Variants in MMP16 observed in about 807,000 individuals in gnomAD.
MMP16 encodes matrix metallopeptidase 16, also known as matrix metalloproteinase-16.
MMP16 carries 12 observed loss-of-function variants against 67.8 expected under a neutral mutation model. The ratio of observed to expected loss-of-function variants is 0.18; its 90% CI spans 0.11 to 0.29. The LOEUF is 0.29. MMP16 is among the 10% of genes least tolerant of loss of function. The pLI is 1.00. For missense variants in MMP16, 475 were observed against 765.7 expected (o/e 0.62, Z 4.48); for synonymous variants, 249 against 255.9 (o/e 0.97, Z 0.26).
chr8:88,292,418 G>C (rs28986498), intron 1 of MMP16, among the ~76,000 whole-genome samples: 21,400 of 152,056 alleles, frequency 0.14, 2,079 homozygotes, highest in African/African-American at 0.26. Context: ...TACTTAACCC[G>C]TGTGAACACC....
intron 6 of MMP16, among the ~76,000 whole-genome samples, chr8:88,095,812 C>T (rs570224554): frequency 3.2e-4 from 48 of 151,918 alleles, no homozygotes; most frequent in Middle Eastern, 3.4e-3. Context: ...TCACTGATTA[C>T]GTAGAATGAA....
chr8:88,106,665 T>C (rs954841897), intron 6 of MMP16, among the ~76,000 whole-genome samples: 3 of 151,262 alleles, frequency 2.0e-5, no homozygotes, highest in Non-Finnish European at 3.0e-5. Flanking sequence ...GAATAATGAA[T>C]TTAAAAAAAA....
At chr8:88,093,800 G>T (rs1412337335) in intron 6 of MMP16, among the ~76,000 whole-genome samples, 2 of 151,760 alleles carry the variant, frequency 1.3e-5, no homozygotes, top group Non-Finnish European at 2.9e-5. Flanking sequence ...GAGTGTCTGG[G>T]TTATGGTTGA....
intron 6 of MMP16, among the ~76,000 whole-genome samples, chr8:88,084,691 A>T (rs1483709822): frequency 6.6e-6 from 1 of 152,056 alleles, no homozygotes; most frequent in Non-Finnish European, 1.5e-5. Context: ...GTGAAATCTA[A>T]ATATTAGGTG....
intron 1 of MMP16, among the ~76,000 whole-genome samples, chr8:88,223,453 T>C (rs997740844): frequency 7.2e-5 from 11 of 151,906 alleles, no homozygotes; most frequent in Admixed American, 1.3e-4. Context: ...AAAATGTCCA[T>C]CAATGATAGA....
intron 1 of MMP16, among the ~76,000 whole-genome samples, chr8:88,294,349 T>C (rs898055138): frequency 2.6e-5 from 4 of 151,200 alleles, no homozygotes; most frequent in Admixed American, 1.3e-4. Flanking sequence ...TGTGTATATG[T>C]ATATGTATAT....
chr8:88,206,514 G>A lies in MMP16; in HGVS notation c.133-9208C>T, dbSNP rs947892168. Reference sequence around the variant, plus strand: ...TCAGAGTGAGGGAGGGTGTGAGTGCGCCCTGCAAGGGGATGGCATCCTGTC... The same window carrying A: ...TCAGAGTGAGGGAGGGTGTGAGTGCACCCTGCAAGGGGATGGCATCCTGTC... On this transcript the variant is annotated intron_variant, in intron 1 of 9. Coordinates refer to ENST00000286614, the MANE Select transcript of MMP16 (RefSeq NM_005941.5). Among the ~76,000 whole-genome samples the A allele has an allele frequency of 2.0e-5, 3 of 152,132 alleles. No individual in the cohort carries two copies. The East Asian group carries it at 5.8e-4, about 29-fold the overall frequency.
In MMP16 at chr8:88,167,436, T is replaced by C. The variant is rs887384066; in HGVS notation, c.709+233A>G. On this transcript the variant is annotated intron_variant, in intron 4 of 9. Coordinates refer to ENST00000286614, the MANE Select transcript of MMP16 (RefSeq NM_005941.5). Reference sequence around the variant, plus strand: ...GACAAAACTTACTTTAGAGTATTTATAGATACAGTATAAGGTTCTAATCTT... The same window carrying C: ...GACAAAACTTACTTTAGAGTATTTACAGATACAGTATAAGGTTCTAATCTT... 9.9e-5 allele frequency among the ~76,000 whole-genome samples: 15 copies of C among 152,190 alleles called. 1 individual carries two copies. Among genetic ancestry groups the C allele is most frequent in the Admixed American group, 9.2e-4 (14 of 15,264 alleles).
intron 4 of MMP16, among the ~76,000 whole-genome samples, chr8:88,165,128 A>G (rs577849756): frequency 5.2e-4 from 77 of 149,098 alleles, no homozygotes; most frequent in African/African-American, 1.8e-3. Context: ...GGATTGCTTC[A>G]GCCCAAGAGT....
At chr8:88,281,015 G>A (rs948796508) in intron 1 of MMP16, among the ~76,000 whole-genome samples, 9 of 152,106 alleles carry the variant, frequency 5.9e-5, no homozygotes, top group Non-Finnish European at 1.0e-4. Flanking sequence ...GATCAGGAGA[G>A]CACAAATTAA....
At chr8:88,325,750 T>C (rs75803271) in intron 1 of MMP16, among the ~76,000 whole-genome samples, 2,834 of 152,322 alleles carry the variant, frequency 0.019, 101 homozygotes, top group African/African-American at 0.065. Flanking sequence ...GGGTTTTTTT[T>C]GTGTAATTTA....
chr8:88,117,411 T>G (rs901379448), intron 5 of MMP16, among the ~76,000 whole-genome samples: 2 of 152,136 alleles, frequency 1.3e-5, no homozygotes, highest in Non-Finnish European at 2.9e-5. Context: ...TAAAGCATCA[T>G]TCTCAAGAGA....
At chr8:88,068,726 G>A (rs901370335) in intron 7 of MMP16, among the ~76,000 whole-genome samples, 2 of 151,982 alleles carry the variant, frequency 1.3e-5, no homozygotes, top group African/African-American at 4.8e-5. Flanking sequence ...TTTTGAGACA[G>A]AGTCTTGCTC....
chr8:88,172,261 ATTAC>A (rs1165588944), intron 3 of MMP16, among the ~76,000 whole-genome samples: 3 of 152,202 alleles, frequency 2.0e-5, no homozygotes, highest in Non-Finnish European at 4.4e-5. Context: ...GATGATTAAA[ATTAC>A]TAACTTTTTA....
chr8:88,089,610 T>C (rs1212186461), intron 6 of MMP16, among the ~76,000 whole-genome samples: 1 of 151,552 alleles, frequency 6.6e-6, no homozygotes, highest in African/African-American at 2.4e-5. Flanking sequence ...GAAGAGGAAA[T>C]GAAGTAATAA....
intron 1 of MMP16, among the ~76,000 whole-genome samples, chr8:88,259,356 G>A (rs1810352278): frequency 6.6e-6 from 1 of 152,146 alleles, no homozygotes; most frequent in South Asian, 2.1e-4. Flanking sequence ...GCTCACTAGA[G>A]TATTAGAACA....
In MMP16 at chr8:88,088,037, TATATAGATATCTATTATATCTATATATAA is replaced by T. The variant is rs1314914009; in HGVS notation, c.1084-13323_1084-13295del. The stretch of plus-strand genomic sequence containing the variant: ...TGTGTATCTATATTATATATATAGA[TATATAGATATCTATTATATCTATATATAA>T]TAGATATCTATATATCTATATATAA... On this transcript the variant is annotated intron_variant, in intron 6 of 9. Coordinates refer to ENST00000286614, the MANE Select transcript of MMP16 (RefSeq NM_005941.5). Among the ~76,000 whole-genome samples, 4 of 78,854 alleles carry T rather than the reference TATATAGATATCTATTATATCTATATATAA, an allele frequency of 5.1e-5. No individual in the cohort carries two copies. The East Asian group carries it at 1.3e-3, about 26-fold the overall frequency. The allele number at this position is 78,854 out of a possible 152,430, so 51.7% of individuals were successfully genotyped here.
Position 88,294,287 on chromosome 8 carries a change from CATATATGT to C in MMP16, c.132+32780_132+32787del, listed in dbSNP as rs1554592391. On this transcript the variant is annotated intron_variant, in intron 1 of 9. Transcript: ENST00000286614. ...GTGTATATCTATATATACACACACA[CATATATGT>C]ATATATGTATATATGTATATGTCTA... 2.1e-3 allele frequency among the ~76,000 whole-genome samples: 307 copies of C among 143,134 alleles called. 2 individuals carry two copies. The highest frequency in any genetic ancestry group is 2.6e-3 in the Admixed American group (36 of 13,700). 93.9% of individuals were successfully genotyped at this position (143,134 alleles called of 152,430 possible). A position where few individuals can be genotyped will look rare whatever the true frequency, so the allele number is the denominator to read the frequency against.
At chr8:88,305,634 C>G (rs1811200335) in intron 1 of MMP16, among the ~76,000 whole-genome samples, 1 of 152,186 alleles carries the variant, frequency 6.6e-6, no homozygotes, top group South Asian at 2.1e-4. Flanking sequence ...TTAAGAAGTT[C>G]ACTCAAAACC....
Sources: gnomAD v4.1 joint callset for allele counts (sites outside exome capture counted in the v4.1 genomes callset) on GRCh38, gnomAD v4.1.1 for gene constraint, MANE v1.5 for transcripts, NCBI Gene and HGNC (gene_info 2026-07-23, HGNC 2026-07-21) for gene names.